FER1L6: variants seen among roughly 807,000 people sequenced by gnomAD.
FER1L6 encodes the protein fer-1 like family member 6.
Under a neutral mutation model 219.2 loss-of-function variants are expected in FER1L6, and 177 were observed. That is an observed-to-expected ratio of 0.81 (90% CI 0.71 to 0.91). The LOEUF is 0.91. FER1L6 is among the 40% of genes least tolerant of loss of function. FER1L6 has a pLI of 0.00. For missense variants in FER1L6, 2,153 were observed against 2,259.9 expected, an observed-to-expected ratio of 0.95 and a Z score of 0.96; for synonymous variants, 768 against 824.3, an observed-to-expected ratio of 0.93 and a Z score of 1.17.
chr8:124,080,881 GC>G (rs1242421627), intron 32 of FER1L6, among the ~76,000 whole-genome samples: 1 of 152,134 alleles, frequency 6.6e-6, no homozygotes, highest in South Asian at 2.1e-4. Flanking sequence ...GAAATACTAT[GC>G]CTTCAGATGG....
chr8:123,927,162 GAAA>G lies in FER1L6; in HGVS notation c.-7-28815_-7-28813del, dbSNP rs10531303. ...AGGGTCATAGATAGTCAGCAGGCAG[GAAA>G]AAAAAAAAAAAAAAGATGAGTCTCC... On this transcript the variant is annotated intron_variant, in intron 1 of 40. Coordinates refer to ENST00000522917, the MANE Select transcript of FER1L6 (RefSeq NM_001039112.2). Among the ~76,000 whole-genome samples, 314 of 135,664 alleles carry G rather than the reference GAAA, an allele frequency of 2.3e-3. 1 individual carries two copies. The highest frequency in any genetic ancestry group is 4.4e-3 in the African/African-American group (161 of 36,606). 89.0% of individuals were successfully genotyped at this position (135,664 alleles called of 152,430 possible). A position where few individuals can be genotyped will look rare whatever the true frequency, so the allele number is the denominator to read the frequency against.
At position 124,119,773 on chromosome 8, in the gene FER1L6, A is replaced by T; in HGVS notation, c.5557A>T (p.Ile1853Phe). ...YTLPGAISRR[I>F]VVGS Reference sequence around the variant, plus strand: ...CTTGCCAGGAGCCATCAGCCGAAGGATCGTTGTGGGCTCATAGAGGATCAT... The same window carrying T: ...CTTGCCAGGAGCCATCAGCCGAAGGTTCGTTGTGGGCTCATAGAGGATCAT... The change falls in exon 41 of 41, where the codon ATC becomes TTC. Residue 1853 changes from isoleucine (I) to phenylalanine (F), a missense_variant. By Grantham distance (21) the Ile-to-Phe change is conservative. Transcript: ENST00000522917. The T allele has an allele frequency of 6.2e-7, 1 of 1,613,912 alleles. No homozygotes were observed. The highest frequency in any genetic ancestry group is 8.5e-7 in the Non-Finnish European group (1 of 1,179,940).
chr8:124,097,350 G>A lies in FER1L6; in HGVS notation c.4775G>A (p.Arg1592Gln), dbSNP rs781377384. The A allele has an allele frequency of 9.1e-5, 146 of 1,610,678 alleles. 3 individuals carry two copies. Among genetic ancestry groups the A allele is most frequent in the South Asian group, 8.6e-4 (78 of 90,844 alleles). Residue 1592 changes from arginine (R) to glutamine (Q), a missense_variant, in exon 36 of 41, where the codon CGA becomes CAA. Coordinates refer to ENST00000522917, the MANE Select transcript of FER1L6 (RefSeq NM_001039112.2). ...PGPPVDISPR[R>Q]PKGYELRVTI... is the part of the protein sequence containing the mutation. ...CCTCCTGTTGACATCTCTCCAAGGCGACCCAAAGGGTATGTCAGCTGTAGC... is the reference window on the plus strand; with the variant it reads ...CCTCCTGTTGACATCTCTCCAAGGCAACCCAAAGGGTATGTCAGCTGTAGC...
At chr8:124,064,321 C>T (rs775508843) in intron 25 of FER1L6, 26 bp from the exon 26 acceptor site, 6 of 1,598,072 alleles carry the variant, frequency 3.8e-6, no homozygotes, top group Non-Finnish European at 5.1e-6. Flanking sequence ...AGCCCAGCTC[C>T]CTGACCTGAT....
chr8:123,888,972 T>G (rs1816998686), intron 1 of FER1L6, among the ~76,000 whole-genome samples: 2 of 152,226 alleles, frequency 1.3e-5, no homozygotes, highest in Admixed American at 6.5e-5. Flanking sequence ...CAAGCTGGTT[T>G]TAAAATTATT....
chr8:124,073,236 T>C (rs1715138783), intron 31 of FER1L6, among the ~76,000 whole-genome samples: 1 of 152,180 alleles, frequency 6.6e-6, no homozygotes, highest in African/African-American at 2.4e-5. Context: ...TGCACACCTT[T>C]TATGTGTTTA....
At position 124,094,997 on chromosome 8, in the gene FER1L6, A is replaced by T; in HGVS notation, c.4654A>T (p.Thr1552Ser). The change falls in exon 35 of 41, where the codon ACT becomes TCT. Residue 1552 changes from threonine to serine, a missense_variant. Transcript: ENST00000522917. ...GCRLVPEHIE[T>S]RPLYHKDKPG... ...TAGGCTGGTTCCTGAACACATAGAA[A>T]CTCGGCCACTGTACCACAAGGATAA... The T allele has an allele frequency of 6.2e-7, 1 of 1,614,006 alleles. No homozygotes were observed. Among genetic ancestry groups the T allele is most frequent in the Non-Finnish European group, 8.5e-7 (1 of 1,179,982 alleles).
intron 1 of FER1L6, among the ~76,000 whole-genome samples, chr8:123,905,595 T>G (rs1250395702): frequency 6.6e-6 from 1 of 152,234 alleles, no homozygotes; most frequent in Non-Finnish European, 1.5e-5. Flanking sequence ...GTTAAATTCC[T>G]TGGTTTTGTG....
intron 18 of FER1L6, among the ~76,000 whole-genome samples, chr8:124,028,028 G>GC (rs1818786558): frequency 6.6e-6 from 1 of 152,152 alleles, no homozygotes; most frequent in South Asian, 2.1e-4. Flanking sequence ...ACTTCAGAAG[G>GC]CCCTGTGCTA....
chr8:124,004,967 C>T (rs1817592442), intron 13 of FER1L6, among the ~76,000 whole-genome samples: 1 of 150,268 alleles, frequency 6.7e-6, no homozygotes, highest in African/African-American at 2.5e-5. Flanking sequence ...CACTGCACTC[C>T]AGCCTGGGCG....
intron 18 of FER1L6, among the ~76,000 whole-genome samples, chr8:124,027,504 C>A (rs954300949): frequency 1.3e-5 from 2 of 152,096 alleles, no homozygotes; most frequent in Admixed American, 1.3e-4. Context: ...TAATTTTGTC[C>A]CCCTCATATC....
intron 31 of FER1L6, among the ~76,000 whole-genome samples, chr8:124,072,430 T>C (rs1306876328): frequency 2.0e-5 from 3 of 152,224 alleles, no homozygotes; most frequent in African/African-American, 7.2e-5. Context: ...TGAACCCCAA[T>C]GGTTCATGGA....
intron 1 of FER1L6, among the ~76,000 whole-genome samples, chr8:123,877,841 C>T (rs1030948091): frequency 1.3e-5 from 2 of 150,512 alleles, no homozygotes; most frequent in Admixed American, 1.3e-4. Flanking sequence ...GCTTTTATCA[C>T]TATGAAAAAA....
At position 123,904,224 on chromosome 8, in the gene FER1L6, T is replaced by TTGTGTGTGTGTGTGTGTGTG. The variant is rs56224402; in HGVS notation, c.-7-51743_-7-51724dup. Among the ~76,000 whole-genome samples the TTGTGTGTGTGTGTGTGTGTG allele has an allele frequency of 1.8e-3, 247 of 139,478 alleles. 2 individuals are homozygous for TTGTGTGTGTGTGTGTGTGTG. The highest frequency in any genetic ancestry group is 5.1e-3 in the African/African-American group (187 of 36,920). 91.5% of individuals were successfully genotyped at this position (139,478 alleles called of 152,430 possible). On this transcript the variant is annotated intron_variant, in intron 1 of 40. Transcript: ENST00000522917. Reference sequence around the variant, plus strand: ...ATATTTTAGAATAAACTCTGTATATTTGTGTGTGTGTGTGTGTGTGTGTGT... The same window carrying TTGTGTGTGTGTGTGTGTGTG: ...ATATTTTAGAATAAACTCTGTATATTTGTGTGTGTGTGTGTGTGTGTGTGTGTGTGTGTGTGTGTGTGTGT...
Position 124,097,874 on chromosome 8 carries a change from A to T in FER1L6, c.4874A>T (p.Tyr1625Phe), listed in dbSNP as rs767791878. The change falls in exon 37 of 41, where the codon TAT (tyrosine) becomes TTT (phenylalanine). Residue 1625 changes from tyrosine (Y) to phenylalanine (F), a missense_variant. Coordinates refer to ENST00000522917, the MANE Select transcript of FER1L6 (RefSeq NM_001039112.2). The part of the protein sequence containing the change: ...IFTGQKSSDI[Y>F]VKGWLKGLED... Reference sequence around the variant, plus strand: ...ACAGGCCAAAAATCAAGTGATATTTATGTGAAAGGGTAAGGTTATCAACAA... The same window carrying T: ...ACAGGCCAAAAATCAAGTGATATTTTTGTGAAAGGGTAAGGTTATCAACAA... The T allele has an allele frequency of 1.3e-6, 2 of 1,551,924 alleles. No homozygotes were observed. Among genetic ancestry groups the T allele is most frequent in the South Asian group, 2.2e-5 (2 of 89,702 alleles).
intron 7 of FER1L6, among the ~76,000 whole-genome samples, chr8:123,973,932 G>T (rs959948066): frequency 2.0e-5 from 3 of 152,162 alleles, no homozygotes; most frequent in Non-Finnish European, 2.9e-5. Context: ...TCCTTCATAG[G>T]TTTGTTGGAG....
Position 124,039,927 on chromosome 8 carries a change from G to C in FER1L6, c.2510G>C (p.Gly837Ala), listed in dbSNP as rs1448959393. The C allele has an allele frequency of 6.8e-6, 11 of 1,614,122 alleles. No individual in the cohort carries two copies. Among genetic ancestry groups the C allele is most frequent in the Non-Finnish European group, 9.3e-6 (11 of 1,180,006 alleles). The change falls in exon 20 of 41, where the codon GGC (glycine) becomes GCC (alanine). Residue 837 changes from glycine to alanine, a missense_variant. Physicochemically the swap from Gly to Ala is moderately conservative, Grantham distance 60. Coordinates refer to ENST00000522917, the MANE Select transcript of FER1L6 (RefSeq NM_001039112.2). ...QLRAHMYQAR[G>A]LIAADSNGLS... Reference sequence around the variant, plus strand: ...AGGGCTCACATGTACCAAGCCCGGGGCCTCATCGCAGCTGACAGCAATGGA... The same window carrying C: ...AGGGCTCACATGTACCAAGCCCGGGCCCTCATCGCAGCTGACAGCAATGGA...
chr8:123,994,285 G>A (rs1817017550), intron 12 of FER1L6, among the ~76,000 whole-genome samples: 1 of 152,144 alleles, frequency 6.6e-6, no homozygotes, highest in Non-Finnish European at 1.5e-5. Context: ...AGACAGGTGG[G>A]GTCTGGGTCT....
At chr8:123,882,540 C>T (rs1000808086) in intron 1 of FER1L6, among the ~76,000 whole-genome samples, 2 of 152,056 alleles carry the variant, frequency 1.3e-5, no homozygotes, top group African/African-American at 2.4e-5. Flanking sequence ...AGAACACAGC[C>T]GTTGATCAGG....
Sources: allele counts gnomAD v4.1 joint callset (sites outside exome capture counted in the v4.1 genomes callset), GRCh38; gene constraint gnomAD v4.1.1; transcripts MANE v1.5; gene names NCBI Gene and HGNC (gene_info 2026-07-23, HGNC 2026-07-21).